The following RIT2 variants were observed in gnomAD, a reference collection of about 807,000 sequenced individuals.
RIT2 encodes GTP-binding protein Rit2.
A neutral mutation model predicts 23.7 loss-of-function variants in RIT2; 24 were observed. The observed-to-expected ratio is 1.01, with a 90% CI of 0.73 to 1.43. The LOEUF (loss-of-function observed/expected upper bound fraction) is 1.43. RIT2 is among the 40% of genes most tolerant of loss of function. The pLI is 0.00. For missense variants in RIT2, 236 were observed against 266.9 expected (o/e 0.88, Z 0.81); for synonymous variants, 107 against 91.1 (o/e 1.17, Z -0.99).
intron 3 of RIT2, among the ~76,000 whole-genome samples, chr18:42,965,674 T>TA (rs1385463972): frequency 7.8e-6 from 1 of 127,476 alleles, no homozygotes. Flanking sequence ...TATAAAAATA[T>TA]AAAAATATGG....
chr18:42,852,108 TA>T (rs776743606), intron 4 of RIT2, among the ~76,000 whole-genome samples: 26 of 152,250 alleles, frequency 1.7e-4, no homozygotes, highest in Non-Finnish European at 3.1e-4. Context: ...GACTCGACCA[TA>T]AAATTCTGTT....
rs11393575 is a variant in RIT2 at position 43,057,798 on chromosome 18, C to CTTTTTTTTTTTTTTTTTTTTTTTTTT, written c.104-23932_104-23931insAAAAAAAAAAAAAAAAAAAAAAAAAA. Among the ~76,000 whole-genome samples the CTTTTTTTTTTTTTTTTTTTTTTTTTT allele has an allele frequency of 1.1e-4, 13 of 122,662 alleles. 2 individuals are homozygous for CTTTTTTTTTTTTTTTTTTTTTTTTTT. Among genetic ancestry groups the CTTTTTTTTTTTTTTTTTTTTTTTTTT allele is most frequent in the Non-Finnish European group, 1.7e-4 (10 of 58,580 alleles). 80.5% of individuals were successfully genotyped at this position (122,662 alleles called of 152,430 possible). ...GAGCTAATCTTCCAAGTGATGGACA[C>CTTTTTTTTTTTTTTTTTTTTTTTTTT]TTTTTTTTTTTTTTTTTATCATCTA... On this transcript the variant is annotated intron_variant, in intron 1 of 4. Coordinates refer to ENST00000326695, the MANE Select transcript of RIT2 (RefSeq NM_002930.4).
At chr18:43,085,846 T>A (rs927783445) in intron 1 of RIT2, among the ~76,000 whole-genome samples, 2 of 152,162 alleles carry the variant, frequency 1.3e-5, no homozygotes, top group African/African-American at 4.8e-5. Context: ...TCCCCCATAC[T>A]GTTCTCATGG....
Position 43,045,065 on chromosome 18 carries a change from T to G in RIT2, c.104-11198A>C, listed in dbSNP as rs543877719. On this transcript the variant is annotated intron_variant, in intron 1 of 4. Coordinates refer to ENST00000326695, the MANE Select transcript of RIT2 (RefSeq NM_002930.4). ...GAAGAAAAATAGACATTTTCACTAA[T>G]ATTTTCTCAAGTATTTTATCATTTA... Among the ~76,000 whole-genome samples the G allele has an allele frequency of 3.9e-5, 6 of 152,328 alleles. No individual in the cohort carries two copies. In the South Asian group the frequency reaches 8.3e-4, roughly 21 times the overall value.
intron 1 of RIT2, among the ~76,000 whole-genome samples, chr18:43,059,208 G>A (rs571823471): frequency 2.0e-5 from 3 of 152,130 alleles, no homozygotes; most frequent in South Asian, 4.2e-4. Flanking sequence ...TCTTGCAAGC[G>A]TTTTATATAC....
chr18:43,092,475 T>C (rs1913446108), intron 1 of RIT2, among the ~76,000 whole-genome samples: 1 of 152,108 alleles, frequency 6.6e-6, no homozygotes. Context: ...TCTCTTCATA[T>C]GAAAATAGCA....
chr18:42,751,591 T>C (rs1391323609), intron 4 of RIT2, among the ~76,000 whole-genome samples: 1 of 152,004 alleles, frequency 6.6e-6, no homozygotes, highest in Non-Finnish European at 1.5e-5. Flanking sequence ...AGTGAATATT[T>C]TATTTTTTGT....
At chr18:42,787,994 G>T (rs6507501) in intron 4 of RIT2, among the ~76,000 whole-genome samples, 45,454 of 151,346 alleles carry the variant, frequency 0.3, 8,656 homozygotes, top group African/African-American at 0.53. Flanking sequence ...GTTAATAAAA[G>T]TTTAAAATTT....
Position 42,940,903 on chromosome 18 carries a change from G to A in RIT2, c.235-17140C>T, listed in dbSNP as rs1289677463. Among the ~76,000 whole-genome samples the A allele has an allele frequency of 3.9e-5, 6 of 152,034 alleles. No homozygotes were observed. The East Asian group carries it at 9.7e-4, about 25-fold the overall frequency. ...CAGCAGGAATGTCATTTGTTTTATGGTACAAAATCTTGCTGGTCTAGGAAT... is the reference window on the plus strand; with the variant it reads ...CAGCAGGAATGTCATTTGTTTTATGATACAAAATCTTGCTGGTCTAGGAAT... On this transcript the variant is annotated intron_variant, in intron 3 of 4. Coordinates refer to ENST00000326695, the MANE Select transcript of RIT2 (RefSeq NM_002930.4).
chr18:42,965,777 T>G (rs1910209021), intron 3 of RIT2, among the ~76,000 whole-genome samples: 1 of 141,204 alleles, frequency 7.1e-6, no homozygotes, highest in African/African-American at 2.6e-5. Flanking sequence ...CCAACCTGAG[T>G]ATTTGGTTCA....
chr18:42,795,507 G>C (rs1483352006), intron 4 of RIT2, among the ~76,000 whole-genome samples: 1 of 152,224 alleles, frequency 6.6e-6, no homozygotes, highest in Non-Finnish European at 1.5e-5. Context: ...CCATGCTTGA[G>C]CCTCCCACCC....
chr18:42,966,999 C>A (rs991569713), intron 3 of RIT2, among the ~76,000 whole-genome samples: 3 of 152,074 alleles, frequency 2.0e-5, no homozygotes, highest in Non-Finnish European at 4.4e-5. Flanking sequence ...GCAATATTGT[C>A]ATTCATTTAT....
chr18:42,979,137 G>C (rs1910538831), intron 2 of RIT2, among the ~76,000 whole-genome samples: 3 of 151,932 alleles, frequency 2.0e-5, no homozygotes, highest in South Asian at 4.2e-4. Context: ...ATAATAACTA[G>C]AAATATAAAG....
At chr18:43,091,162 T>G (rs1027480397) in intron 1 of RIT2, among the ~76,000 whole-genome samples, 1 of 151,650 alleles carries the variant, frequency 6.6e-6, no homozygotes, top group Non-Finnish European at 1.5e-5. Context: ...TTTTAATATA[T>G]ATTATATATT....
Position 42,743,635 on chromosome 18 carries a change from T to A in RIT2, c.512A>T (p.Asp171Val), listed in dbSNP as rs367551216. 8.7e-6 allele frequency: 14 copies of A among 1,613,944 alleles called. No homozygotes were observed. The African/African-American group carries it at 1.9e-4, about 22-fold the overall frequency. The stretch of plus-strand genomic sequence containing the variant: ...CCTCACTAAGCCATGAAAAGCATCA[T>A]CAATACAGAATCTGAGGGCTGCAGA... The part of the protein sequence containing the change: ...ETSAALRFCI[D>V]DAFHGLVREI... Residue 171 changes from aspartate (D) to valine (V), a missense_variant, in exon 5 of 5, where the codon GAT (aspartate) becomes GTT (valine). Asp to Val is a radical substitution (Grantham distance 152). Coordinates refer to ENST00000326695, the MANE Select transcript of RIT2 (RefSeq NM_002930.4).
intron 1 of RIT2, among the ~76,000 whole-genome samples, chr18:43,070,276 G>A (rs566667285): frequency 6.6e-6 from 1 of 152,210 alleles, no homozygotes; most frequent in South Asian, 2.1e-4. Context: ...CATTTCACCA[G>A]GACCTGAAAG....
intron 1 of RIT2, among the ~76,000 whole-genome samples, chr18:43,039,548 G>C (rs753946680): frequency 6.6e-6 from 1 of 151,726 alleles, no homozygotes; most frequent in Non-Finnish European, 1.5e-5. Context: ...GGGTTTCTCC[G>C]TGTTGGTCAG....
chr18:42,995,571 G>A (rs934659229), intron 2 of RIT2, among the ~76,000 whole-genome samples: 2 of 152,094 alleles, frequency 1.3e-5, no homozygotes, highest in South Asian at 2.1e-4. Flanking sequence ...TTGGTATTCA[G>A]CGAAACCTTT....
intron 1 of RIT2, among the ~76,000 whole-genome samples, chr18:43,083,032 T>A (rs905518090): frequency 3.3e-5 from 5 of 152,086 alleles, no homozygotes; most frequent in Non-Finnish European, 7.4e-5. Flanking sequence ...TTCAGCAAAG[T>A]CTCAGGATAC....
Sources: gnomAD v4.1 joint callset for allele counts (sites outside exome capture counted in the v4.1 genomes callset) on GRCh38, gnomAD v4.1.1 for gene constraint, MANE v1.5 for transcripts, NCBI Gene and HGNC (gene_info 2026-07-23, HGNC 2026-07-21) for gene names.